The following TNFSF8 variants were observed in gnomAD, a reference collection of about 807,000 sequenced individuals.
TNFSF8 encodes the protein tumor necrosis factor ligand superfamily member 8.
A neutral mutation model predicts 22.0 loss-of-function variants in TNFSF8; 4 were observed. The ratio of observed to expected loss-of-function variants is 0.18; its 90% CI spans 0.09 to 0.42. TNFSF8 has a LOEUF of 0.42. Among genes scored for constraint, TNFSF8 ranks in the 10% least tolerant of loss-of-function variants. The pLI is 1.00. For missense variants in TNFSF8, 233 were observed against 281.8 expected (o/e 0.83, Z 1.24); for synonymous variants, 106 against 112.5 (o/e 0.94, Z 0.37).
chr9:114,920,131 T>C (rs1827969517), intron 1 of TNFSF8, among the ~76,000 whole-genome samples: 1 of 152,266 alleles, frequency 6.6e-6, no homozygotes, highest in South Asian at 2.1e-4. Context: ...CCCCTTTATG[T>C]TGCCCTTGTG....
chr9:114,924,973 C>T (rs1406843508), intron 1 of TNFSF8, among the ~76,000 whole-genome samples: 1 of 152,064 alleles, frequency 6.6e-6, no homozygotes, highest in African/African-American at 2.4e-5. Flanking sequence ...GGAGGGAGTA[C>T]CTTGGGTAGT....
Position 114,930,407 on chromosome 9 carries a change from A to C in TNFSF8, c.-104T>G. The C allele has an allele frequency of 9.9e-7, 1 of 1,013,730 alleles. No homozygotes were observed. The highest frequency in any genetic ancestry group is 1.3e-6 in the Non-Finnish European group (1 of 756,700). The allele number at this position is 1,013,730 out of a possible 1,614,324, so 62.8% of individuals were successfully genotyped here. A position where few individuals can be genotyped will look rare whatever the true frequency, so the allele number is the denominator to read the frequency against. ...GGATTCTCCCCCTGAATCCTGAATC[A>C]TGTGACTTGGAAAAAAACCTTCACC... On this transcript the variant is annotated 5_prime_UTR_variant, in exon 1 of 4. It removes an upstream start codon present in the reference 5' UTR. Transcript: ENST00000223795.
downstream of TNFSF8, among the ~76,000 whole-genome samples, chr9:114,900,709 T>C (rs541926031): frequency 6.6e-6 from 1 of 152,106 alleles, no homozygotes; most frequent in South Asian, 2.1e-4. Context: ...AGGCCAGGTG[T>C]GGTTGCTCAC....
In TNFSF8 at chr9:114,904,144, G is replaced by A; in HGVS notation, c.492C>T (p.Ile164=). ...NSVDLKLELL[I]NKHIKKQALV... is the part of the protein sequence containing the mutation. ...GGGCCTGTTTTTTGATATGCTTGTTGATGAGAAGCTCCAACTTCAGATCGA... is the reference window on the plus strand; with the variant it reads ...GGGCCTGTTTTTTGATATGCTTGTTAATGAGAAGCTCCAACTTCAGATCGA... Residue 164 remains isoleucine, a synonymous_variant, in exon 4 of 4, where the codon ATC becomes ATT. Coordinates refer to ENST00000223795, the MANE Select transcript of TNFSF8 (RefSeq NM_001244.4). The A allele has an allele frequency of 6.2e-7, 1 of 1,614,066 alleles. No individual in the cohort carries two copies. Among genetic ancestry groups the A allele is most frequent in the Non-Finnish European group, 8.5e-7 (1 of 1,179,972 alleles).
chr9:114,905,540 T>C (rs974176700), intron 3 of TNFSF8, among the ~76,000 whole-genome samples: 7 of 152,098 alleles, frequency 4.6e-5, no homozygotes, highest in African/African-American at 1.7e-4. Flanking sequence ...GTGGGGCTGG[T>C]GGTGGCAGTG....
At chr9:114,923,374 A>G (rs900121220) in intron 1 of TNFSF8, among the ~76,000 whole-genome samples, 2 of 152,182 alleles carry the variant, frequency 1.3e-5, no homozygotes, top group Non-Finnish European at 2.9e-5. Context: ...CCCTCAGTGC[A>G]TTAGCTGATT....
rs2131340818 is a variant in TNFSF8 at position 114,903,851 on chromosome 9, TC to T, written c.*79del. 4 of 1,519,912 alleles carry T rather than the reference TC, an allele frequency of 2.6e-6. No individual in the cohort carries two copies. In the East Asian group the frequency reaches 6.8e-5, roughly 26 times the overall value. The allele number at this position is 1,519,912 out of a possible 1,614,324, so 94.2% of individuals were successfully genotyped here. A position where few individuals can be genotyped will look rare whatever the true frequency, so the allele number is the denominator to read the frequency against. On this transcript the variant is annotated 3_prime_UTR_variant, in exon 4 of 4. Transcript: ENST00000223795. ...TGTAGTTTGTCTTGGTCTAAAGTTT[TC>T]TTTTTGCCCAAGTGTTTGGAGGGAT...
intron 3 of TNFSF8, 144 bp from the exon 4 acceptor site, chr9:114,904,469 C>G: frequency 8.2e-7 from 1 of 1,219,230 alleles, no homozygotes; most frequent in Non-Finnish European, 1.1e-6. Context: ...CCATGTTACT[C>G]CCTCTAGAGT....
chr9:114,902,776 G>A lies in TNFSF8; in HGVS notation c.*1155C>T. ...CTTCTGAGATGGAAGAGGTTTTGAA[G>A]CAATTCAAACCCAGTCCTTTCATTT... On this transcript the variant is annotated 3_prime_UTR_variant, in exon 4 of 4. Coordinates refer to ENST00000223795, the MANE Select transcript of TNFSF8 (RefSeq NM_001244.4). The A allele has an allele frequency of 1.0e-6, 1 of 984,262 alleles. No homozygotes were observed. The highest frequency in any genetic ancestry group is 1.2e-6 in the Non-Finnish European group (1 of 828,844). The allele number at this position is 984,262 out of a possible 1,614,324, so 61.0% of individuals were successfully genotyped here. A position where few individuals can be genotyped will look rare whatever the true frequency, so the allele number is the denominator to read the frequency against.
downstream of TNFSF8, among the ~76,000 whole-genome samples, chr9:114,898,977 G>A (rs1292167932): frequency 2.0e-5 from 3 of 152,072 alleles, no homozygotes; most frequent in South Asian, 2.1e-4. Context: ...TACTGCTGCC[G>A]GGCTCCAGAA....
At chr9:114,909,874 A>T (rs1010569980) in intron 2 of TNFSF8, among the ~76,000 whole-genome samples, 4 of 152,164 alleles carry the variant, frequency 2.6e-5, no homozygotes, top group Non-Finnish European at 4.4e-5. Flanking sequence ...TAGTTTGGAG[A>T]AATGAAAGTT....
chr9:114,898,123 C>A (rs1350235543), downstream of TNFSF8, among the ~76,000 whole-genome samples: 1 of 151,776 alleles, frequency 6.6e-6, no homozygotes, highest in Non-Finnish European at 1.5e-5. Context: ...CTGCCTCAGC[C>A]TCCCAAGTAG....
chr9:114,904,004 A>G lies in TNFSF8; in HGVS notation c.632T>C (p.Phe211Ser). 2.5e-6 allele frequency: 4 copies of G among 1,614,114 alleles called. No homozygotes were observed. Among genetic ancestry groups the G allele is most frequent in the Non-Finnish European group, 3.4e-6 (4 of 1,179,978 alleles). Residue 211 changes from phenylalanine to serine, a missense_variant, in exon 4 of 4, where the codon TTC becomes TCC. Transcript: ENST00000223795. ...NTTISVNVDT[F>S]QYIDTSTFPL... Reference sequence around the variant, plus strand: ...AAAGGTGCTTGTATCTATGTACTGGAATGTATCCACATTGACTGATATGGT... The same window carrying G: ...AAAGGTGCTTGTATCTATGTACTGGGATGTATCCACATTGACTGATATGGT...
chr9:114,909,651 A>G (rs964727491), intron 2 of TNFSF8, among the ~76,000 whole-genome samples: 1 of 152,184 alleles, frequency 6.6e-6, no homozygotes, highest in African/African-American at 2.4e-5. Flanking sequence ...GCCATCCCCT[A>G]TCAGACCTGC....
intron 2 of TNFSF8, among the ~76,000 whole-genome samples, chr9:114,909,103 C>T (rs1181759840): frequency 6.6e-6 from 1 of 152,188 alleles, no homozygotes; most frequent in Non-Finnish European, 1.5e-5. Context: ...CCAGTCAGTG[C>T]TGCTCAAAAA....
chr9:114,901,238 C>A lies in TNFSF8; in HGVS notation c.*2693G>T, dbSNP rs1234584481. On this transcript the variant is annotated 3_prime_UTR_variant, in exon 4 of 4. Transcript: ENST00000223795. ...CATAACATTCCCAGGGGCTGGTTAA[C>A]CCTCAAGAGTAACAGAATTTAGTTT... 1 of 985,278 alleles carries A rather than the reference C, an allele frequency of 1.0e-6. No homozygotes were observed. Among genetic ancestry groups the A allele is most frequent in the African/African-American group, 1.7e-5 (1 of 57,230 alleles). 61.0% of individuals were successfully genotyped at this position (985,278 alleles called of 1,614,324 possible). A position where few individuals can be genotyped will look rare whatever the true frequency, so the allele number is the denominator to read the frequency against.
rs780020377 is a variant in TNFSF8 at position 114,930,225 on chromosome 9, C to T, written c.79G>A (p.Val27Met). The T allele has an allele frequency of 7.5e-6, 12 of 1,607,060 alleles. No individual in the cohort carries two copies. In the African/African-American group the frequency reaches 8.1e-5, roughly 11 times the overall value. Residue 27 changes from valine (V) to methionine (M), a missense_variant, in exon 1 of 4, where the codon GTG (valine) becomes ATG (methionine). By Grantham distance (21) the Val-to-Met change is conservative. Coordinates refer to ENST00000223795, the MANE Select transcript of TNFSF8 (RefSeq NM_001244.4). ...CTCGTGGTCCCCAGGTGGCTGGCCA[C>T]GGAGCCCGCCGGCACATGCATGGCT... ...DTAMHVPAGSVASHLGTTSRS... is the reference protein window; with the variant it reads ...DTAMHVPAGSMASHLGTTSRS...
chr9:114,904,485 T>TCC (rs1827760412), intron 3 of TNFSF8, among the ~76,000 whole-genome samples, 160 bp from the exon 4 acceptor site: 1 of 152,214 alleles, frequency 6.6e-6, no homozygotes, highest in Non-Finnish European at 1.5e-5. Flanking sequence ...AGAGTCTACT[T>TCC]ATTACTCAAG....
At chr9:114,909,432 A>G (rs1288787771) in intron 2 of TNFSF8, among the ~76,000 whole-genome samples, 1 of 152,150 alleles carries the variant, frequency 6.6e-6, no homozygotes. Flanking sequence ...TGAGTTGATG[A>G]CCTGGGAGTT....
Sources: allele counts gnomAD v4.1 joint callset (sites outside exome capture counted in the v4.1 genomes callset), GRCh38; gene constraint gnomAD v4.1.1; transcripts MANE v1.5; gene names NCBI Gene and HGNC (gene_info 2026-07-23, HGNC 2026-07-21).